NFIA: variants seen among roughly 807,000 people sequenced by gnomAD.
NFIA encodes the protein nuclear factor 1 A-type.
NFIA carries 8 observed loss-of-function variants against 62.8 expected under a neutral mutation model. That is an observed-to-expected ratio of 0.13 (90% CI 0.07 to 0.23). The LOEUF is 0.23. Ranked by LOEUF, NFIA falls within the 10% of genes least tolerant of loss-of-function variation. The probability of loss-of-function intolerance (pLI) is 1.00; values close to 1 mark genes in which losing one functional copy is unlikely to be tolerated. For synonymous variants in NFIA, 235 were observed against 238.1 expected, an observed-to-expected ratio of 0.99 and a Z score of 0.12; for missense variants, 410 against 642.1, an observed-to-expected ratio of 0.64 and a Z score of 3.91.
chr1:61,112,586 T>G (rs981339538), intron 2 of NFIA, among the ~76,000 whole-genome samples: 3 of 152,200 alleles, frequency 2.0e-5, no homozygotes, highest in Middle Eastern at 3.2e-3. Flanking sequence ...GGGTGTATAT[T>G]AAAGGTAGTT....
At chr1:61,302,231 A>G (rs1659532574) in intron 3 of NFIA, among the ~76,000 whole-genome samples, 1 of 152,196 alleles carries the variant, frequency 6.6e-6, no homozygotes, top group African/African-American at 2.4e-5. Flanking sequence ...AGTCTTGGTC[A>G]TATAGAACCT....
intron 4 of NFIA, among the ~76,000 whole-genome samples, chr1:61,339,923 G>A (rs1661810133): frequency 6.6e-6 from 1 of 152,158 alleles, no homozygotes; most frequent in Non-Finnish European, 1.5e-5. Flanking sequence ...TGTTCGATAT[G>A]TGCCCTGGCT....
chr1:61,350,167 A>G (rs765925000), intron 4 of NFIA, among the ~76,000 whole-genome samples: 1 of 152,172 alleles, frequency 6.6e-6, no homozygotes, highest in African/African-American at 2.4e-5. Flanking sequence ...ATACAACTCA[A>G]TGCAGCAACC....
In NFIA at chr1:61,178,049, T is replaced by C. The variant is rs575554958; in HGVS notation, c.559+89369T>C. ...TTTATCTTATGTGGGTCCCTAGTTATTACTTTTGCCCACTTCCCCTAGATC... is the reference window on the plus strand; with the variant it reads ...TTTATCTTATGTGGGTCCCTAGTTACTACTTTTGCCCACTTCCCCTAGATC... On this transcript the variant is annotated intron_variant, in intron 2 of 10. Transcript: ENST00000403491. Among the ~76,000 whole-genome samples the C allele has an allele frequency of 5.3e-5, 8 of 152,326 alleles. No homozygotes were observed. The South Asian group carries it at 1.0e-3, about 20-fold the overall frequency.
chr1:61,178,807 AG>A (rs1650564917), intron 2 of NFIA, among the ~76,000 whole-genome samples: 1 of 152,212 alleles, frequency 6.6e-6, no homozygotes, highest in South Asian at 2.1e-4. Flanking sequence ...CTCTGAAACA[AG>A]GTTTTGAGTG....
chr1:61,126,229 TTCTG>T (rs1342941918), intron 2 of NFIA, among the ~76,000 whole-genome samples: 1 of 152,192 alleles, frequency 6.6e-6, no homozygotes, highest in African/African-American at 2.4e-5. Flanking sequence ...AGGCAACCTC[TTCTG>T]TCTAATAATG....
intron 3 of NFIA, among the ~76,000 whole-genome samples, chr1:61,311,858 A>G (rs919504636): frequency 2.0e-5 from 3 of 152,170 alleles, no homozygotes; most frequent in Admixed American, 6.6e-5. Context: ...AGCTCTTAAG[A>G]ATTTCAGTAT....
intron 2 of NFIA, among the ~76,000 whole-genome samples, chr1:61,203,600 T>G (rs890635440): frequency 1.3e-5 from 2 of 152,156 alleles, no homozygotes; most frequent in Admixed American, 6.5e-5. Context: ...CCTTCCTTGA[T>G]TAGCCTTCTT....
At chr1:61,357,808 C>T (rs115653406) in intron 5 of NFIA, among the ~76,000 whole-genome samples, 25 of 152,214 alleles carry the variant, frequency 1.6e-4, no homozygotes, top group Admixed American at 3.9e-4. Context: ...TCCCCTGAAA[C>T]GTGAAGAAGA....
At chr1:61,432,063 A>C (rs937235013) in intron 10 of NFIA, among the ~76,000 whole-genome samples, 23 of 152,202 alleles carry the variant, frequency 1.5e-4, no homozygotes, top group African/African-American at 5.5e-4. Context: ...GTGTAATCGC[A>C]GTACTATAAA....
intron 2 of NFIA, among the ~76,000 whole-genome samples, chr1:61,095,789 C>T (rs1646400924): frequency 6.6e-6 from 1 of 152,072 alleles, no homozygotes; most frequent in Admixed American, 6.6e-5. Context: ...TAAACTAATT[C>T]GTTCTAGATG....
chr1:61,249,840 G>A (rs968374365), intron 2 of NFIA: 3 of 152,016 alleles, frequency 2.0e-5, no homozygotes, highest in Admixed American at 6.6e-5. Context: ...AATAATATTC[G>A]TTACCATGTT....
At chr1:61,311,932 T>C (rs998180905) in intron 3 of NFIA, among the ~76,000 whole-genome samples, 2 of 152,210 alleles carry the variant, frequency 1.3e-5, no homozygotes, top group Non-Finnish European at 2.9e-5. Flanking sequence ...AAGAGCCCTT[T>C]GGAATCACCT....
At position 61,330,443 on chromosome 1, in the gene NFIA, C is replaced by CCCCCCA. The variant is rs554691317; in HGVS notation, c.626-2068_626-2067insCCCCAC. Among the ~76,000 whole-genome samples, 278 of 90,704 alleles carry CCCCCCA rather than the reference C, an allele frequency of 3.1e-3. 14 individuals carry two copies. The highest frequency in any genetic ancestry group is 4.6e-3 in the East Asian group (9 of 1,966). 59.5% of individuals were successfully genotyped at this position (90,704 alleles called of 152,430 possible). On this transcript the variant is annotated intron_variant, in intron 3 of 10. Coordinates refer to ENST00000403491, the MANE Select transcript of NFIA (RefSeq NM_001134673.4). ...AACTTAGGAAATAGATACACCCCCC[C>CCCCCCA]CACACACACACACACACGCACACAT...
chr1:61,406,432 A>T, intron 8 of NFIA, 130 bp from the exon 9 acceptor site: 1 of 773,104 alleles, frequency 1.3e-6, no homozygotes, highest in East Asian at 2.8e-5. Flanking sequence ...GAAGAATTGA[A>T]GCAGCTAGAT....
intron 2 of NFIA, among the ~76,000 whole-genome samples, chr1:61,203,937 C>T (rs866965436): frequency 7.2e-5 from 11 of 152,150 alleles, no homozygotes; most frequent in Admixed American, 7.2e-4. Flanking sequence ...AGAGCTTAAC[C>T]CCATATTTCA....
At chr1:61,314,280 T>A (rs183456183) in intron 3 of NFIA, among the ~76,000 whole-genome samples, 217 of 152,236 alleles carry the variant, frequency 1.4e-3, no homozygotes, top group Admixed American at 5.0e-3. Flanking sequence ...TAATGCTTCC[T>A]CTGTTGGCCT....
At chr1:61,180,091 C>T (rs1363322531) in intron 2 of NFIA, among the ~76,000 whole-genome samples, 2 of 152,154 alleles carry the variant, frequency 1.3e-5, no homozygotes, top group East Asian at 1.9e-4. Context: ...CTCCTCAGGA[C>T]GAGTCACACT....
intron 2 of NFIA, among the ~76,000 whole-genome samples, chr1:61,212,397 A>T (rs763777701): frequency 6.6e-6 from 1 of 152,178 alleles, no homozygotes; most frequent in African/African-American, 2.4e-5. Context: ...TTTGAATTCT[A>T]GTTTATTATG....
Sources: allele counts gnomAD v4.1 joint callset (sites outside exome capture counted in the v4.1 genomes callset), GRCh38; gene constraint gnomAD v4.1.1; transcripts MANE v1.5; gene names NCBI Gene and HGNC (gene_info 2026-07-23, HGNC 2026-07-21).